The following ERCC6 variants were observed in gnomAD, a reference collection of about 807,000 sequenced individuals.
ERCC6 encodes the protein DNA excision repair protein ERCC-6.
ERCC6 carries 116 observed loss-of-function variants against 158.7 expected under a neutral mutation model. That is an observed-to-expected ratio of 0.73 (90% CI 0.63 to 0.85). ERCC6 has a LOEUF of 0.85. ERCC6 is among the 40% of genes least tolerant of loss of function. The probability of loss-of-function intolerance (pLI) is 0.00; values close to 1 mark genes in which losing one functional copy is unlikely to be tolerated. For missense variants in ERCC6, 1,698 were observed against 1,799.4 expected, an observed-to-expected ratio of 0.94 and a Z score of 1.02; for synonymous variants, 678 against 659.3, an observed-to-expected ratio of 1.03 and a Z score of -0.43.
At chr10:49,514,084 T>C (rs1001408739) in intron 5 of ERCC6, among the ~76,000 whole-genome samples, 3 of 152,096 alleles carry the variant, frequency 2.0e-5, no homozygotes, top group African/African-American at 4.8e-5. Context: ...ACGAAAGCAA[T>C]TGCACAAGAA....
At chr10:49,451,662 G>T (rs898941308), downstream of ERCC6, among the ~76,000 whole-genome samples, 1 of 152,100 alleles carries the variant, frequency 6.6e-6, no homozygotes, top group South Asian at 2.1e-4. Flanking sequence ...GCTGGATTTG[G>T]TTTGCAGCAT....
chr10:49,443,955 G>C, the ERCC6 span, among the ~76,000 whole-genome samples: 54 of 152,194 alleles, frequency 3.5e-4, 3 homozygotes, highest in Admixed American at 9.8e-4. Context: ...ATTCATAAGT[G>C]GTTGACGACA....
At chr10:49,498,951 T>C (rs1851310859) in intron 7 of ERCC6, among the ~76,000 whole-genome samples, 1 of 152,170 alleles carries the variant, frequency 6.6e-6, no homozygotes, top group Non-Finnish European at 1.5e-5. Flanking sequence ...GGTTGTCTAG[T>C]TACCAAAAAC....
chr10:49,527,328 T>A (rs1837363683), intron 4 of ERCC6, among the ~76,000 whole-genome samples: 1 of 152,184 alleles, frequency 6.6e-6, no homozygotes, highest in South Asian at 2.1e-4. Context: ...TACACAGCAG[T>A]TAAAAGCACT....
intron 5 of ERCC6, chr10:49,516,820 G>A (rs749883507): frequency 1.4e-5 from 22 of 1,614,026 alleles, no homozygotes; most frequent in Middle Eastern, 1.6e-4. Flanking sequence ...GATGGTGGAG[G>A]TTGCTGCACA....
intron 7 of ERCC6, among the ~76,000 whole-genome samples, chr10:49,498,544 G>C (rs1049588085): frequency 2.0e-5 from 3 of 152,160 alleles, no homozygotes; most frequent in African/African-American, 7.2e-5. Context: ...GAGGAGCCCA[G>C]GTGTTTGTGG....
rs570658188 is a variant in ERCC6, at chr10:49,502,696, ATTC to A, written c.1527-2003_1527-2001del. The A allele has an allele frequency of 1.1e-4, 17 of 152,272 alleles. No individual in the cohort carries two copies. In the East Asian group the frequency reaches 3.1e-3, roughly 28 times the overall value. 9.4% of individuals were successfully genotyped at this position (152,272 alleles called of 1,614,324 possible). On this transcript the variant is annotated intron_variant, in intron 6 of 20. Transcript: ENST00000355832. ...GACCAATAGTTCTCAGCCAGGGGTAATTCTTCTCCCTATGGGACATTTGGCAAT... is the reference window on the plus strand; with the variant it reads ...GACCAATAGTTCTCAGCCAGGGGTAATTCTCCCTATGGGACATTTGGCAAT...
At chr10:49,537,342 C>CAAA (rs368235215) in intron 1 of ERCC6, among the ~76,000 whole-genome samples, 161 of 86,712 alleles carry the variant, frequency 1.9e-3, no homozygotes, top group African/African-American at 5.8e-3. Flanking sequence ...GACTCCGTCT[C>CAAA]AAAAAAAAAA....
In ERCC6 at chr10:49,493,255, G is replaced by A. The variant is rs749568055; in HGVS notation, c.1686-3C>T. 3 of 1,613,780 alleles carry A rather than the reference G, an allele frequency of 1.9e-6. No individual in the cohort carries two copies. The African/African-American group carries it at 4.0e-5, about 22-fold the overall frequency. On this transcript the variant is annotated splice_polypyrimidine_tract_variant and splice_region_variant and intron_variant, in intron 7 of 20. Transcript: ENST00000355832. ...CAGTTGGACCCAACCCCTCAAACCT[G>A]CATCCAAACGTCCAAGAAGAAAACA... is the stretch of plus-strand genomic sequence containing the variant.
At chr10:49,453,267 G>A (rs1482563669), downstream of ERCC6, among the ~76,000 whole-genome samples, 2 of 152,012 alleles carry the variant, frequency 1.3e-5, no homozygotes, top group Non-Finnish European at 1.5e-5. Context: ...AATTACACAA[G>A]CTTAACTCCA....
intron 6 of ERCC6, chr10:49,500,985 G>C: frequency 2.8e-6 from 1 of 355,042 alleles, no homozygotes; most frequent in Non-Finnish European, 5.2e-6. Context: ...ATTAGAAATA[G>C]CTTGCTAAAC....
chr10:49,480,967 ATGAG>A (rs1419163417), intron 10 of ERCC6, among the ~76,000 whole-genome samples: 5 of 152,234 alleles, frequency 3.3e-5, no homozygotes, highest in Non-Finnish European at 4.4e-5. Context: ...CTGACAAAAT[ATGAG>A]TGATTATAGA....
At chr10:49,468,714 T>C (rs1192900625) in intron 18 of ERCC6, among the ~76,000 whole-genome samples, 5 of 152,182 alleles carry the variant, frequency 3.3e-5, no homozygotes, top group Admixed American at 6.5e-5. Context: ...AATGACATAA[T>C]AGCAGCAATG....
At chr10:49,468,635 G>A (rs1050561795) in intron 18 of ERCC6, among the ~76,000 whole-genome samples, 3 of 152,138 alleles carry the variant, frequency 2.0e-5, no homozygotes, top group Admixed American at 1.3e-4. Context: ...ATGTGTATAT[G>A]TATGTACACA....
chr10:49,451,700 A>C (rs1169210990), downstream of ERCC6, among the ~76,000 whole-genome samples: 1 of 152,198 alleles, frequency 6.6e-6, no homozygotes, highest in Non-Finnish European at 1.5e-5. Flanking sequence ...CAGGTATTTC[A>C]TAAGACATAT....
Position 49,456,634 on chromosome 10 carries a change from T to C in ERCC6, c.*2181A>G, listed in dbSNP as rs1850487938. The C allele has an allele frequency of 6.6e-6, 1 of 152,230 alleles. No homozygotes were observed. Among genetic ancestry groups the C allele is most frequent in the Non-Finnish European group, 1.5e-5 (1 of 68,054 alleles). 9.4% of individuals were successfully genotyped at this position (152,230 alleles called of 1,614,324 possible). On this transcript the variant is annotated 3_prime_UTR_variant, in exon 21 of 21. Transcript: ENST00000355832. ...ATTGCTTGAACATTTTTAATGGTGA[T>C]AGTATTAACATTTAATTTTTTGACA...
intron 18 of ERCC6, among the ~76,000 whole-genome samples, chr10:49,462,588 A>G (rs1248543150): frequency 6.6e-6 from 1 of 152,180 alleles, no homozygotes. Context: ...TGAAAAGCTA[A>G]CATCCCTAAT....
the ERCC6 span, among the ~76,000 whole-genome samples, chr10:49,442,969 G>A: frequency 3.9e-5 from 6 of 152,174 alleles, no homozygotes; most frequent in African/African-American, 1.4e-4. Flanking sequence ...AAATGTTAGA[G>A]TGTCACTCTG....
At position 49,470,374 on chromosome 10, in the gene ERCC6, G is replaced by C. The variant is rs369489725; in HGVS notation, c.3586C>G (p.Leu1196Val). The C allele has an allele frequency of 3.1e-6, 5 of 1,613,980 alleles. No homozygotes were observed. In the African/African-American group the frequency reaches 5.3e-5, roughly 17 times the overall value. ...KHHSVAEEET[L>V]EKHLRPKQKP... ...TGCTTTGGTCTCAGATGTTTCTCCA[G>C]GGTCTCTTCTTCTGCCACACTATGA... Residue 1196 changes from leucine to valine, a missense_variant, in exon 18 of 21, where the codon CTG (leucine) becomes GTG (valine). By Grantham distance (32) the Leu-to-Val change is conservative (BLOSUM62 1). Coordinates refer to ENST00000355832, the MANE Select transcript of ERCC6 (RefSeq NM_000124.4).
Sources: gnomAD v4.1 joint callset for allele counts (sites outside exome capture counted in the v4.1 genomes callset) on GRCh38, gnomAD v4.1.1 for gene constraint, MANE v1.5 for transcripts, NCBI Gene and HGNC (gene_info 2026-07-23, HGNC 2026-07-21) for gene names.